Variants in SNX18 observed in about 807,000 individuals in gnomAD.
SNX18 encodes sorting nexin 18.
A neutral mutation model predicts 48.7 loss-of-function variants in SNX18; 35 were observed. The observed-to-expected ratio is 0.72, with a 90% CI of 0.55 to 0.95. The LOEUF is 0.95. SNX18 is among the 40% of genes least tolerant of loss of function. SNX18 has a pLI of 0.00. For missense variants in SNX18, 824 were observed against 871.0 expected, an observed-to-expected ratio of 0.95 and a Z score of 0.68; for synonymous variants, 492 against 384.7, an observed-to-expected ratio of 1.28 and a Z score of -3.26.
intron 1 of SNX18, chr5:54,520,414 A>C (rs1762000930): frequency 6.0e-6 from 1 of 167,814 alleles, no homozygotes; most frequent in South Asian, 2.0e-4. Context: ...TTTCTTACTA[A>C]TGTGCATTCT....
At chr5:54,629,560 A>C in the SNX18 span, among the ~76,000 whole-genome samples, 1 of 152,202 alleles carries the variant, frequency 6.6e-6, no homozygotes, top group Non-Finnish European at 1.5e-5. Context: ...TTGAAGCTTT[A>C]AGGCAGGTCA....
the SNX18 span, among the ~76,000 whole-genome samples, chr5:54,627,087 A>C: frequency 6.6e-6 from 1 of 152,198 alleles, no homozygotes; most frequent in Non-Finnish European, 1.5e-5. Flanking sequence ...CCATTTCAGG[A>C]TGATCTGGTG....
the SNX18 span, among the ~76,000 whole-genome samples, chr5:54,617,345 T>C: frequency 3.9e-5 from 6 of 152,260 alleles, no homozygotes; most frequent in Admixed American, 2.0e-4. Context: ...TTATAGCTCC[T>C]GTTTGGTTCC....
At chr5:54,579,539 AT>A in the SNX18 span, among the ~76,000 whole-genome samples, 1 of 152,180 alleles carries the variant, frequency 6.6e-6, no homozygotes, top group Non-Finnish European at 1.5e-5. Flanking sequence ...TCATCCATCT[AT>A]TTACAGAGTC....
At chr5:54,604,554 T>G in the SNX18 span, among the ~76,000 whole-genome samples, 1 of 152,198 alleles carries the variant, frequency 6.6e-6, no homozygotes, top group African/African-American at 2.4e-5. Flanking sequence ...TATGAGGTAA[T>G]TTGAATAGGC....
At chr5:54,626,969 T>C in the SNX18 span, among the ~76,000 whole-genome samples, 2 of 152,232 alleles carry the variant, frequency 1.3e-5, no homozygotes, top group Non-Finnish European at 2.9e-5. Context: ...GCTTGGAAGA[T>C]GGCACAACAG....
chr5:54,624,049 G>A, the SNX18 span, among the ~76,000 whole-genome samples: 1 of 152,188 alleles, frequency 6.6e-6, no homozygotes, highest in South Asian at 2.1e-4. Flanking sequence ...AAGGATTACA[G>A]CTATCCAGTA....
At chr5:54,630,658 AC>A in the SNX18 span, among the ~76,000 whole-genome samples, 1 of 151,892 alleles carries the variant, frequency 6.6e-6, no homozygotes, top group African/African-American at 2.4e-5. Flanking sequence ...ACATGGTGAA[AC>A]CCTGTCTCTA....
chr5:54,535,483 T>G (rs1281267093), intron 1 of SNX18, among the ~76,000 whole-genome samples: 1 of 152,214 alleles, frequency 6.6e-6, no homozygotes, highest in Non-Finnish European at 1.5e-5. Context: ...TAATTTTCCT[T>G]TTAACTCTCA....
At chr5:54,623,825 C>T in the SNX18 span, among the ~76,000 whole-genome samples, 1 of 152,172 alleles carries the variant, frequency 6.6e-6, no homozygotes, top group Admixed American at 6.5e-5. Context: ...AAGCCTCTTA[C>T]TGAACAGGTG....
At chr5:54,522,058 T>C (rs1762042700) in intron 1 of SNX18, among the ~76,000 whole-genome samples, 1 of 152,230 alleles carries the variant, frequency 6.6e-6, no homozygotes, top group South Asian at 2.1e-4. Flanking sequence ...GTAACCTTGG[T>C]GTGTAATGTA....
At position 54,518,942 on chromosome 5, in the gene SNX18, C is replaced by T. The variant is rs1290940599; in HGVS notation, c.990C>T (p.Ile330=). ...GCCTGGCGGAGAAGTTCCCGGTCAT[C>T]TCCGTGCCCCACCTGCCCGAGAAGC... ...YARLAEKFPV[I]SVPHLPEKQA... Residue 330 remains isoleucine, a synonymous_variant, in exon 1 of 2, where the codon ATC becomes ATT. Coordinates refer to ENST00000381410, the MANE Select transcript of SNX18 (RefSeq NM_001102575.2). The T allele has an allele frequency of 5.0e-6, 8 of 1,613,848 alleles. No individual in the cohort carries two copies. Among genetic ancestry groups the T allele is most frequent in the Non-Finnish European group, 6.8e-6 (8 of 1,180,040 alleles).
chr5:54,641,779 T>C, the SNX18 span, among the ~76,000 whole-genome samples: 18 of 152,192 alleles, frequency 1.2e-4, no homozygotes, highest in African/African-American at 3.6e-4. Context: ...TGTAAAATCA[T>C]GGGTGCTGAA....
the SNX18 span, among the ~76,000 whole-genome samples, chr5:54,597,206 GC>G: frequency 6.6e-6 from 1 of 152,244 alleles, no homozygotes; most frequent in Middle Eastern, 3.4e-3. Flanking sequence ...AAATATATAT[GC>G]ACCCAATACA....
the SNX18 span, among the ~76,000 whole-genome samples, chr5:54,561,504 A>ATTTTTTTTTTTTTTTTTTT: frequency 2.3e-4 from 31 of 133,010 alleles, no homozygotes; most frequent in African/African-American, 8.9e-4. Context: ...CGCCCAGCTA[A>ATTTTTTTTTTTTTTTTTTT]TTTTTTTTTT....
At chr5:54,536,553 G>A (rs944415826) in intron 1 of SNX18, among the ~76,000 whole-genome samples, 6 of 152,204 alleles carry the variant, frequency 3.9e-5, no homozygotes, top group African/African-American at 7.2e-5. Flanking sequence ...TACAAAGGAC[G>A]TGAACTCATC....
chr5:54,527,321 A>T (rs1299664548), intron 1 of SNX18, among the ~76,000 whole-genome samples: 1 of 148,464 alleles, frequency 6.7e-6, no homozygotes, highest in Non-Finnish European at 1.5e-5. Context: ...GGTGGCCTGG[A>T]CCAGAGTGGA....
chr5:54,526,679 A>AGT (rs1222846699), intron 1 of SNX18, among the ~76,000 whole-genome samples: 3 of 152,344 alleles, frequency 2.0e-5, no homozygotes, highest in African/African-American at 7.2e-5. Flanking sequence ...TCAAGATGCT[A>AGT]GTGTTGCATC....
chr5:54,626,453 G>C, the SNX18 span, among the ~76,000 whole-genome samples: 3 of 152,196 alleles, frequency 2.0e-5, no homozygotes, highest in Non-Finnish European at 2.9e-5. Context: ...ACTGCACACA[G>C]CAAAGAGAAT....
Sources: allele counts gnomAD v4.1 joint callset (sites outside exome capture counted in the v4.1 genomes callset), GRCh38; gene constraint gnomAD v4.1.1; transcripts MANE v1.5; gene names NCBI Gene and HGNC (gene_info 2026-07-23, HGNC 2026-07-21).